The following TNIK variants were observed in gnomAD, a reference collection of about 807,000 sequenced individuals.
The protein encoded by TNIK is TRAF2 and NCK-interacting protein kinase.
In TNIK, 49 loss-of-function variants were observed where a neutral mutation model predicts 191.3. The ratio of observed to expected loss-of-function variants is 0.26; its 90% CI spans 0.20 to 0.32. The LOEUF is 0.32. Among genes scored for constraint, TNIK ranks in the 10% least tolerant of loss-of-function variants. The pLI, the probability that TNIK is intolerant of heterozygous loss-of-function variation, is 1.00. For synonymous variants in TNIK, 594 were observed against 600.9 expected (o/e 0.99, Z 0.17); for missense variants, 1,155 against 1,702.3 (o/e 0.68, Z 5.66).
intron 2 of TNIK, among the ~76,000 whole-genome samples, chr3:171,241,506 C>G (rs573120221): frequency 6.6e-6 from 1 of 152,108 alleles, no homozygotes; most frequent in East Asian, 1.9e-4. Flanking sequence ...TTTTAAAATT[C>G]TATTTAAATT....
At chr3:171,212,335 T>C (rs1418013664) in intron 3 of TNIK, among the ~76,000 whole-genome samples, 4 of 152,166 alleles carry the variant, frequency 2.6e-5, no homozygotes, top group African/African-American at 9.7e-5. Flanking sequence ...ACCAGGGATC[T>C]CTTCCTTAAT....
intron 19 of TNIK, 78 bp downstream of exon 19, chr3:171,110,636 G>T: frequency 6.8e-7 from 1 of 1,480,110 alleles, no homozygotes. Flanking sequence ...CTAGAGTCAG[G>T]AAGTAACTAA....
chr3:171,111,804 T>C (rs1340375182), intron 18 of TNIK, among the ~76,000 whole-genome samples: 1 of 152,232 alleles, frequency 6.6e-6, no homozygotes, highest in Non-Finnish European at 1.5e-5. Flanking sequence ...GAAAATGTGA[T>C]ATATCTCTCT....
At chr3:171,420,079 C>A (rs1258220853) in intron 1 of TNIK, among the ~76,000 whole-genome samples, 1 of 152,212 alleles carries the variant, frequency 6.6e-6, no homozygotes, top group Non-Finnish European at 1.5e-5. Flanking sequence ...ATGCCCGGAG[C>A]TGACAGTCAA....
intron 5 of TNIK, among the ~76,000 whole-genome samples, chr3:171,191,516 GTGT>G (rs1341727663): frequency 3.9e-5 from 6 of 152,192 alleles, no homozygotes; most frequent in Non-Finnish European, 8.8e-5. Context: ...GGGAATCCAG[GTGT>G]GAGCCACAGC....
At chr3:171,064,054 A>G (rs1426441178) in intron 32 of TNIK, 90 bp from the exon 33 acceptor site, 4 of 1,213,668 alleles carry the variant, frequency 3.3e-6, no homozygotes, top group South Asian at 1.4e-5. Context: ...CACATGTCCT[A>G]TCCTTGCCAT....
At chr3:171,422,884 A>G (rs1160214672) in intron 1 of TNIK, among the ~76,000 whole-genome samples, 2 of 152,234 alleles carry the variant, frequency 1.3e-5, no homozygotes, top group Admixed American at 6.5e-5. Flanking sequence ...GCACAAATGA[A>G]AAAGCTGAAC....
intron 19 of TNIK, among the ~76,000 whole-genome samples, chr3:171,109,754 C>A (rs753395691): frequency 6.6e-6 from 1 of 152,134 alleles, no homozygotes; most frequent in Non-Finnish European, 1.5e-5. Context: ...TTTTAACTAG[C>A]TAGAAACAAT....
At chr3:171,387,351 T>C (rs999391357) in intron 1 of TNIK, among the ~76,000 whole-genome samples, 2 of 152,154 alleles carry the variant, frequency 1.3e-5, no homozygotes, top group Admixed American at 1.3e-4. Flanking sequence ...TATAGTGCAA[T>C]GCTAACTACA....
At chr3:171,123,574 C>T (rs776508520) in intron 18 of TNIK, 22 bp downstream of exon 18, 1 of 1,516,020 alleles carries the variant, frequency 6.6e-7, no homozygotes. Flanking sequence ...CTTCTTTTAC[C>T]ATAACCACCT....
chr3:171,247,813 A>G (rs1745771916), intron 2 of TNIK, among the ~76,000 whole-genome samples: 2 of 152,258 alleles, frequency 1.3e-5, no homozygotes, highest in African/African-American at 4.8e-5. Context: ...AGCTCATTCA[A>G]TCTGGCAATT....
chr3:171,375,879 C>T (rs1717144979), intron 1 of TNIK, among the ~76,000 whole-genome samples: 1 of 152,252 alleles, frequency 6.6e-6, no homozygotes, highest in South Asian at 2.1e-4. Context: ...TCCTCCAAAA[C>T]GCCTCTTAAA....
intron 1 of TNIK, among the ~76,000 whole-genome samples, chr3:171,452,836 G>C (rs1190795119): frequency 6.6e-6 from 1 of 151,700 alleles, no homozygotes; most frequent in Non-Finnish European, 1.5e-5. Flanking sequence ...AGACAATGGA[G>C]AGAACACTTT....
chr3:171,358,328 C>G (rs1714452593), intron 2 of TNIK, among the ~76,000 whole-genome samples: 1 of 152,142 alleles, frequency 6.6e-6, no homozygotes, highest in Admixed American at 6.5e-5. Flanking sequence ...CCGGGGAAGC[C>G]TCACAGTCAT....
chr3:171,179,612 C>T (rs755313312), intron 7 of TNIK, among the ~76,000 whole-genome samples: 8 of 152,058 alleles, frequency 5.3e-5, no homozygotes, highest in East Asian at 3.9e-4. Flanking sequence ...CCACCATGCC[C>T]GGCTAATTTT....
chr3:171,134,098 G>A (rs1202327647), intron 15 of TNIK, among the ~76,000 whole-genome samples: 2 of 152,032 alleles, frequency 1.3e-5, no homozygotes, highest in Non-Finnish European at 1.5e-5. Flanking sequence ...AAAATCACAT[G>A]CCATTTAAGG....
intron 1 of TNIK, among the ~76,000 whole-genome samples, chr3:171,403,413 G>A (rs1375844127): frequency 5.3e-5 from 8 of 152,054 alleles, no homozygotes; most frequent in Admixed American, 2.0e-4. Flanking sequence ...TCAGAAGTTC[G>A]AGATCAGCCT....
At chr3:171,216,986 A>G (rs1741530348) in intron 3 of TNIK, among the ~76,000 whole-genome samples, 1 of 152,066 alleles carries the variant, frequency 6.6e-6, no homozygotes, top group South Asian at 2.1e-4. Context: ...TGTATATGTT[A>G]ACTCTAAGTT....
At chr3:171,124,513 G>A (rs1482071326) in intron 17 of TNIK, among the ~76,000 whole-genome samples, 2 of 152,186 alleles carry the variant, frequency 1.3e-5, no homozygotes, top group African/African-American at 4.8e-5. Context: ...AATATTTTAA[G>A]TGTACCAAAG....
Sources: gnomAD v4.1 joint callset for allele counts (sites outside exome capture counted in the v4.1 genomes callset) on GRCh38, gnomAD v4.1.1 for gene constraint, MANE v1.5 for transcripts, NCBI Gene and HGNC (gene_info 2026-07-23, HGNC 2026-07-21) for gene names.